The following MAGI1 variants were observed in gnomAD, a reference collection of about 807,000 sequenced individuals.
The protein encoded by MAGI1 is membrane associated guanylate kinase, WW and PDZ domain containing 1, also known as membrane-associated guanylate kinase, WW and PDZ domain-containing protein 1.
A neutral mutation model predicts 139.9 loss-of-function variants in MAGI1; 58 were observed. That is an observed-to-expected ratio of 0.41 (90% CI 0.34 to 0.52). The LOEUF is 0.52. Ranked by LOEUF, MAGI1 falls within the 20% of genes least tolerant of loss-of-function variation. The pLI, the probability that MAGI1 is intolerant of heterozygous loss-of-function variation, is 0.12. For missense variants in MAGI1, 1,874 were observed against 1,901.6 expected (o/e 0.99, Z 0.27); for synonymous variants, 812 against 737.9 (o/e 1.10, Z -1.63).
At chr3:65,899,315 A>G (rs1169551867) in intron 1 of MAGI1, among the ~76,000 whole-genome samples, 2 of 152,240 alleles carry the variant, frequency 1.3e-5, no homozygotes, top group African/African-American at 4.8e-5. Context: ...AGCTCCAGGA[A>G]AAGAGTCATC....
intron 1 of MAGI1, among the ~76,000 whole-genome samples, chr3:65,949,869 C>T (rs2063713207): frequency 2.0e-5 from 3 of 151,916 alleles, no homozygotes; most frequent in South Asian, 4.1e-4. Context: ...CGCAACATGG[C>T]GAAACCCTGC....
At chr3:65,545,772 C>G (rs778311621) in intron 2 of MAGI1, among the ~76,000 whole-genome samples, 2 of 151,236 alleles carry the variant, frequency 1.3e-5, no homozygotes, top group African/African-American at 2.4e-5. Flanking sequence ...TAGTAGACAC[C>G]CTTCCCCTCA....
chr3:65,779,919 GA>G (rs928537795), intron 1 of MAGI1, among the ~76,000 whole-genome samples: 16 of 146,798 alleles, frequency 1.1e-4, no homozygotes, highest in African/African-American at 3.0e-4. Flanking sequence ...CACTAACAAA[GA>G]AAAAAAAATG....
At chr3:65,630,433 G>A (rs2084227704) in intron 1 of MAGI1, among the ~76,000 whole-genome samples, 1 of 152,128 alleles carries the variant, frequency 6.6e-6, no homozygotes, top group South Asian at 2.1e-4. Flanking sequence ...TAGAGAAACA[G>A]CATGAAGCTC....
At chr3:65,883,355 A>C (rs1202828081) in intron 1 of MAGI1, among the ~76,000 whole-genome samples, 2 of 152,230 alleles carry the variant, frequency 1.3e-5, no homozygotes, top group African/African-American at 2.4e-5. Context: ...TTCCAGTCTA[A>C]AAGAAGTAAA....
At chr3:65,824,525 G>T (rs2042121669) in intron 1 of MAGI1, among the ~76,000 whole-genome samples, 1 of 152,176 alleles carries the variant, frequency 6.6e-6, no homozygotes, top group Admixed American at 6.5e-5. Flanking sequence ...TAAGAAAGCT[G>T]CATATACAAG....
At chr3:65,827,818 AT>A (rs2042310059) in intron 1 of MAGI1, among the ~76,000 whole-genome samples, 1 of 152,222 alleles carries the variant, frequency 6.6e-6, no homozygotes, top group Non-Finnish European at 1.5e-5. Flanking sequence ...GTATATTTAT[AT>A]TCACATTTAT....
chr3:65,379,433 C>T lies in MAGI1; in HGVS notation c.2823G>A (p.Val941=). 2 of 1,613,848 alleles carry T rather than the reference C, an allele frequency of 1.2e-6. No individual in the cohort carries two copies. Among genetic ancestry groups the T allele is most frequent in the Non-Finnish European group, 1.7e-6 (2 of 1,179,826 alleles). The change falls in exon 17 of 23, where the codon GTG becomes GTA. Residue 941 remains valine, a synonymous_variant. Transcript: ENST00000402939. ...CGCTGGTGCTGCCGCTGCCCGAGCTCACCGTGTTCAGCGAGTTCTGGCTGC... is the reference window on the plus strand; with the variant it reads ...CGCTGGTGCTGCCGCTGCCCGAGCTTACCGTGTTCAGCGAGTTCTGGCTGC... ...PQGSQNSLNT[V]SSGSGSTSGI...
intron 1 of MAGI1, among the ~76,000 whole-genome samples, chr3:65,871,753 G>C (rs2059946595): frequency 6.6e-6 from 1 of 152,212 alleles, no homozygotes; most frequent in Non-Finnish European, 1.5e-5. Context: ...TGAATGCTGG[G>C]ACAGAAACTC....
chr3:65,741,231 G>A (rs1319212025), intron 1 of MAGI1, among the ~76,000 whole-genome samples: 1 of 151,362 alleles, frequency 6.6e-6, no homozygotes, highest in Non-Finnish European at 1.5e-5. Flanking sequence ...CTGGAGTGCA[G>A]TGGCGCGATC....
At chr3:65,951,037 A>G (rs147205602) in intron 1 of MAGI1, among the ~76,000 whole-genome samples, 1,427 of 52,126 alleles carry the variant, frequency 0.027, 110 homozygotes, top group Non-Finnish European at 0.051. Flanking sequence ...GGAAGGAAGG[A>G]AAGGAGGGAG....
At chr3:65,694,827 C>T (rs554689938) in intron 1 of MAGI1, among the ~76,000 whole-genome samples, 1 of 152,190 alleles carries the variant, frequency 6.6e-6, no homozygotes, top group Non-Finnish European at 1.5e-5. Flanking sequence ...TAACAAAATA[C>T]TGCAATCACT....
chr3:65,395,636 C>CAAAATAAAAAAAAAAAA (rs1944323667), intron 13 of MAGI1, among the ~76,000 whole-genome samples: 1 of 19,172 alleles, frequency 5.2e-5, no homozygotes, highest in Non-Finnish European at 1.1e-4. Context: ...GACTCCATCT[C>CAAAATAAAAAAAAAAAA]AAAAAAAAAA....
intron 2 of MAGI1, among the ~76,000 whole-genome samples, chr3:65,519,367 CACACACACACACACACACAT>C (rs1488628950): frequency 3.2e-4 from 25 of 77,296 alleles, no homozygotes; most frequent in African/African-American, 8.9e-4. Flanking sequence ...CACACACACA[CACACACACACACACACACAT>C]ATATATAATT....
chr3:65,853,662 C>G lies in MAGI1; in HGVS notation c.313+184334G>C, dbSNP rs79104605. Among the ~76,000 whole-genome samples, 92 of 152,282 alleles carry G rather than the reference C, an allele frequency of 6.0e-4. No homozygotes were observed. In the East Asian group the frequency reaches 0.016, roughly 27 times the overall value. ...CTGAGACGTATCCAAAAAAGGGCAG[C>G]TGAATGCAAGGAAACAAAAGCAGTC... On this transcript the variant is annotated intron_variant, in intron 1 of 22. Transcript: ENST00000402939.
intron 2 of MAGI1, among the ~76,000 whole-genome samples, chr3:65,527,317 T>C (rs2078431914): frequency 1.3e-5 from 2 of 152,226 alleles, no homozygotes; most frequent in Non-Finnish European, 2.9e-5. Context: ...CGGTGGCTCA[T>C]GCCTATAATC....
chr3:65,769,185 T>A (rs1477806448), intron 1 of MAGI1, among the ~76,000 whole-genome samples: 10 of 152,158 alleles, frequency 6.6e-5, no homozygotes, highest in South Asian at 2.1e-4. Flanking sequence ...ATGACAAAAA[T>A]AAATAATGAG....
chr3:65,689,762 G>C (rs1490922654), intron 1 of MAGI1, among the ~76,000 whole-genome samples: 1 of 152,190 alleles, frequency 6.6e-6, no homozygotes, highest in African/African-American at 2.4e-5. Context: ...TCAGCAACTA[G>C]TAATCTAACT....
At position 65,796,313 on chromosome 3, in the gene MAGI1, G is replaced by T. The variant is rs189337094; in HGVS notation, c.314-174225C>A. On this transcript the variant is annotated intron_variant, in intron 1 of 22. Transcript: ENST00000402939. ...ATGAGGCCAATCCCCATTGGAAAGGGTAATCTGCTTTGCTCTGAATCTATT... is the reference window on the plus strand; with the variant it reads ...ATGAGGCCAATCCCCATTGGAAAGGTTAATCTGCTTTGCTCTGAATCTATT... Among the ~76,000 whole-genome samples, 149 of 152,272 alleles carry T rather than the reference G, an allele frequency of 9.8e-4. 1 individual carries two copies. The highest frequency in any genetic ancestry group is 2.9e-3 in the Admixed American group (45 of 15,300).
Sources: gnomAD v4.1 joint callset for allele counts (sites outside exome capture counted in the v4.1 genomes callset) on GRCh38, gnomAD v4.1.1 for gene constraint, MANE v1.5 for transcripts, NCBI Gene and HGNC (gene_info 2026-07-23, HGNC 2026-07-21) for gene names.